The following SMYD3 variants were observed in gnomAD, a reference collection of about 807,000 sequenced individuals.
The protein encoded by SMYD3 is histone-lysine N-methyltransferase SMYD3.
In SMYD3, 36 loss-of-function variants were observed where a neutral mutation model predicts 57.7. That is an observed-to-expected ratio of 0.62 (90% CI 0.48 to 0.82). The LOEUF (loss-of-function observed/expected upper bound fraction) is 0.82, where lower values mean the gene tolerates loss of function less well. SMYD3 is among the 40% of genes least tolerant of loss of function. The pLI, the probability that SMYD3 is intolerant of heterozygous loss-of-function variation, is 0.00. For synonymous variants in SMYD3, 211 were observed against 195.0 expected, an observed-to-expected ratio of 1.08 and a Z score of -0.68; for missense variants, 515 against 538.8, an observed-to-expected ratio of 0.96 and a Z score of 0.44.
intron 5 of SMYD3, among the ~76,000 whole-genome samples, chr1:246,218,356 G>A (rs1313206287): frequency 6.6e-6 from 1 of 152,084 alleles, no homozygotes; most frequent in African/African-American, 2.4e-5. Context: ...GGGCGCGGTG[G>A]CTCACGCCTG....
At chr1:246,172,931 T>A (rs1267441299) in intron 5 of SMYD3, among the ~76,000 whole-genome samples, 1 of 133,792 alleles carries the variant, frequency 7.5e-6, no homozygotes, top group Non-Finnish European at 1.6e-5. Context: ...TACACACTTA[T>A]GCTACACAGG....
intron 8 of SMYD3, among the ~76,000 whole-genome samples, chr1:245,894,046 G>C (rs1248011351): frequency 2.6e-5 from 4 of 152,200 alleles, no homozygotes; most frequent in African/African-American, 9.6e-5. Context: ...AGTCTGCAGA[G>C]TACCTCGTGA....
At chr1:246,136,867 A>G (rs572217241) in intron 5 of SMYD3, among the ~76,000 whole-genome samples, 1 of 152,370 alleles carries the variant, frequency 6.6e-6, no homozygotes, top group East Asian at 1.9e-4. Context: ...GACATTTCTT[A>G]GACTTCTGCA....
At chr1:246,236,861 GT>G (rs2063519422) in intron 5 of SMYD3, among the ~76,000 whole-genome samples, 1 of 152,076 alleles carries the variant, frequency 6.6e-6, no homozygotes, top group Non-Finnish European at 1.5e-5. Flanking sequence ...TGTAAGAAAG[GT>G]ATCTAAATTC....
intron 10 of SMYD3, among the ~76,000 whole-genome samples, chr1:245,780,476 G>T (rs945443303): frequency 6.6e-6 from 1 of 152,032 alleles, no homozygotes; most frequent in African/African-American, 2.4e-5. Flanking sequence ...GACAAATCCC[G>T]AATAGGCAAA....
intron 1 of SMYD3, among the ~76,000 whole-genome samples, chr1:246,461,431 C>G (rs1291044017): frequency 6.6e-6 from 1 of 152,172 alleles, no homozygotes. Flanking sequence ...ATAGTAAAAA[C>G]TTAGAACAAT....
chr1:246,127,809 T>C (rs556198073), intron 5 of SMYD3, among the ~76,000 whole-genome samples: 3 of 151,992 alleles, frequency 2.0e-5, no homozygotes, highest in Non-Finnish European at 4.4e-5. Flanking sequence ...GGCAGGAGAA[T>C]CACTTGAACC....
At chr1:246,143,903 G>A (rs542920464) in intron 5 of SMYD3, among the ~76,000 whole-genome samples, 19 of 152,262 alleles carry the variant, frequency 1.2e-4, no homozygotes, top group African/African-American at 4.3e-4. Context: ...ATTTAATGCA[G>A]AAAAAGTAAC....
intron 1 of SMYD3, among the ~76,000 whole-genome samples, chr1:246,410,655 G>C (rs531233130): frequency 6.6e-6 from 1 of 152,264 alleles, no homozygotes; most frequent in East Asian, 1.9e-4. Context: ...TCTCTGCCAG[G>C]CTTTGGTATC....
intron 7 of SMYD3, among the ~76,000 whole-genome samples, chr1:245,920,114 C>T (rs1253806332): frequency 2.0e-5 from 3 of 152,034 alleles, no homozygotes; most frequent in South Asian, 2.1e-4. Context: ...GAGATTGAGA[C>T]CATCCTGGCT....
At chr1:246,309,128 GAA>G (rs1344973870) in intron 5 of SMYD3, among the ~76,000 whole-genome samples, 1 of 151,502 alleles carries the variant, frequency 6.6e-6, no homozygotes, top group Admixed American at 6.6e-5. Flanking sequence ...TTTTAATTGT[GAA>G]AAAAAGTTTA....
intron 7 of SMYD3, among the ~76,000 whole-genome samples, chr1:245,920,633 T>A (rs1199381978): frequency 6.6e-6 from 1 of 152,116 alleles, no homozygotes; most frequent in Non-Finnish European, 1.5e-5. Flanking sequence ...GATTATTACA[T>A]CACCCCGACG....
chr1:246,129,578 A>G (rs905941516), intron 5 of SMYD3, among the ~76,000 whole-genome samples: 1 of 152,182 alleles, frequency 6.6e-6, no homozygotes, highest in African/African-American at 2.4e-5. Flanking sequence ...CACTATTCAA[A>G]GTAGCCCAAA....
intron 10 of SMYD3, among the ~76,000 whole-genome samples, chr1:245,844,789 G>A (rs984618222): frequency 3.9e-5 from 6 of 151,978 alleles, no homozygotes; most frequent in Admixed American, 3.9e-4. Flanking sequence ...GCTAACATGG[G>A]TCACATGACC....
At chr1:245,948,147 G>C (rs2057489971) in intron 5 of SMYD3, among the ~76,000 whole-genome samples, 2 of 152,158 alleles carry the variant, frequency 1.3e-5, no homozygotes, top group South Asian at 4.1e-4. Context: ...TCTTCAGCAA[G>C]AATCCAGTTA....
chr1:245,838,415 TG>T (rs1239171204), intron 10 of SMYD3, among the ~76,000 whole-genome samples: 1 of 152,156 alleles, frequency 6.6e-6, no homozygotes, highest in Non-Finnish European at 1.5e-5. Context: ...GGGCTAATGG[TG>T]GGAGAAATCA....
At chr1:246,282,914 G>C (rs1400598398) in intron 5 of SMYD3, among the ~76,000 whole-genome samples, 1 of 152,128 alleles carries the variant, frequency 6.6e-6, no homozygotes, top group Non-Finnish European at 1.5e-5. Flanking sequence ...CTCCAAACAA[G>C]AATAAATAAT....
At chr1:246,055,060 CA>C (rs901413443) in intron 5 of SMYD3, among the ~76,000 whole-genome samples, 2 of 151,888 alleles carry the variant, frequency 1.3e-5, no homozygotes, top group African/African-American at 4.8e-5. Flanking sequence ...CCTGTAGTCC[CA>C]GCTACTCAGT....
chr1:246,003,699 A>G (rs898202058), intron 5 of SMYD3, among the ~76,000 whole-genome samples: 26 of 152,230 alleles, frequency 1.7e-4, no homozygotes, highest in African/African-American at 5.5e-4. Context: ...GCATCTCTTT[A>G]AATTACATAC....
Sources: gnomAD v4.1 joint callset for allele counts (sites outside exome capture counted in the v4.1 genomes callset) on GRCh38, gnomAD v4.1.1 for gene constraint, MANE v1.5 for transcripts, NCBI Gene and HGNC (gene_info 2026-07-23, HGNC 2026-07-21) for gene names.